Variants in UBR4 observed in about 807,000 individuals in gnomAD.
UBR4 encodes the protein ubiquitin protein ligase E3 component n-recognin 4, also known as E3 ubiquitin-protein ligase UBR4.
In UBR4, 124 loss-of-function variants were observed where a neutral mutation model predicts 575.6. That is an observed-to-expected ratio of 0.22 (90% CI 0.19 to 0.25). The LOEUF (loss-of-function observed/expected upper bound fraction) is 0.25, where lower values mean the gene tolerates loss of function less well. Ranked by LOEUF, UBR4 falls within the 10% of genes least tolerant of loss-of-function variation. The pLI is 1.00. For synonymous variants in UBR4, 2,455 were observed against 2,473.7 expected (o/e 0.99, Z 0.22); for missense variants, 4,818 against 6,478.8 (o/e 0.74, Z 8.80).
chr1:19,108,609 G>A (rs372779976), intron 81 of UBR4, among the ~76,000 whole-genome samples: 5 of 152,070 alleles, frequency 3.3e-5, no homozygotes, highest in East Asian at 1.9e-4. Flanking sequence ...TGATGAAACC[G>A]GGTGGCAGTG....
At position 19,157,830 on chromosome 1, in the gene UBR4, G is replaced by A. The variant is rs1289261445; in HGVS notation, c.5745C>T (p.Ser1915=). Reference sequence around the variant, plus strand: ...GAGGACCCACCTTGCCCTTCTCATGGCTGACAGCCAAATGTTGGCGGCGCC... The same window carrying A: ...GAGGACCCACCTTGCCCTTCTCATGACTGACAGCCAAATGTTGGCGGCGCC... ...PHGRRQHLAV[S]HEKGKITVLQ... Residue 1915 remains serine, a synonymous_variant, in exon 40 of 106, where the codon AGC becomes AGT. Coordinates refer to ENST00000375254, the MANE Select transcript of UBR4 (RefSeq NM_020765.3). The surrounding 1 kb of genome is among the most constrained non-coding windows in gnomAD (Gnocchi z 4.4). 1.2e-6 allele frequency: 2 copies of A among 1,613,994 alleles called. No homozygotes were observed. The highest frequency in any genetic ancestry group is 1.3e-5 in the African/African-American group (1 of 74,940).
intron 60 of UBR4, among the ~76,000 whole-genome samples, chr1:19,130,047 CA>C (rs930280459): frequency 3.3e-5 from 5 of 151,610 alleles, no homozygotes; most frequent in African/African-American, 7.3e-5. Flanking sequence ...AAAAAAGGAC[CA>C]AAAAAATTGT....
At chr1:19,086,936 C>T in intron 99 of UBR4, 115 bp from the exon 100 acceptor site, 2 of 1,442,972 alleles carry the variant, frequency 1.4e-6, no homozygotes, top group Non-Finnish European at 1.9e-6. Flanking sequence ...TTTCAGGTTG[C>T]TCTCACTAGG....
chr1:19,173,624 G>A lies in UBR4; in HGVS notation c.2983-3C>T. 2 of 1,613,850 alleles carry A rather than the reference G, an allele frequency of 1.2e-6. No homozygotes were observed. The highest frequency in any genetic ancestry group is 1.7e-6 in the Non-Finnish European group (2 of 1,179,902). On this transcript the variant is annotated splice_polypyrimidine_tract_variant and splice_region_variant and intron_variant, in intron 22 of 105. Transcript: ENST00000375254. ...TAATATTGAAGGGCACAGGCCTCCTGGAGAAAGGAAAAGCAGCATAGAGGT... is the reference window on the plus strand; with the variant it reads ...TAATATTGAAGGGCACAGGCCTCCTAGAGAAAGGAAAAGCAGCATAGAGGT...
Position 19,088,462 on chromosome 1 carries a change from T to G in UBR4, c.14430+297A>C, listed in dbSNP as rs753065340. On this transcript the variant is annotated intron_variant, in intron 98 of 105. Transcript: ENST00000375254. The surrounding 1 kb of genome is among the most constrained non-coding windows in gnomAD (Gnocchi z 4.0). The stretch of plus-strand genomic sequence containing the variant: ...TCAGTTACTTCATCTGGAAAATGGG[T>G]ATAACAATATCAACCTCCTAGAACT... Among the ~76,000 whole-genome samples the G allele has an allele frequency of 6.6e-6, 1 of 152,182 alleles. No homozygotes were observed. Among genetic ancestry groups the G allele is most frequent in the South Asian group, 2.1e-4 (1 of 4,828 alleles).
At chr1:19,168,290 A>G in intron 27 of UBR4, 106 bp from the exon 28 acceptor site, 8 of 1,123,788 alleles carry the variant, frequency 7.1e-6, no homozygotes, top group Non-Finnish European at 9.9e-6. Context: ...TGACGTTTGT[A>G]AACAATAGCC....
chr1:19,127,589 T>G, intron 63 of UBR4, 34 bp downstream of exon 63: 8 of 1,571,732 alleles, frequency 5.1e-6, no homozygotes, highest in Non-Finnish European at 7.0e-6. Flanking sequence ...TCCGCTTACC[T>G]TTCCCCAAAC....
chr1:19,101,498 T>C (rs76771978), intron 88 of UBR4, 22 bp downstream of exon 88: 12 of 1,594,096 alleles, frequency 7.5e-6, no homozygotes, highest in African/African-American at 5.4e-5. Context: ...TCGAGAGCCA[T>C]GGGAAGCACC....
At chr1:19,129,377 G>C (rs2082172839) in intron 60 of UBR4, among the ~76,000 whole-genome samples, 1 of 152,200 alleles carries the variant, frequency 6.6e-6, no homozygotes, top group Admixed American at 6.5e-5. Context: ...CCAGGCCCTA[G>C]TAGTTCTCAG....
Position 19,150,737 on chromosome 1 carries a change from C to T in UBR4, c.7270G>A (p.Gly2424Ser). The part of the protein sequence containing the change: ...VTMIDAVKIY[G>S]KTKEQFGWPD... ...CAGCCAAACTGCTCCTTAGTCTTGCCATAAATTTTTACAGCATCTATCATG... is the reference window on the plus strand; with the variant it reads ...CAGCCAAACTGCTCCTTAGTCTTGCTATAAATTTTTACAGCATCTATCATG... The change falls in exon 49 of 106, where the codon GGC becomes AGC. Residue 2424 changes from glycine (G) to serine (S), a missense_variant. Coordinates refer to ENST00000375254, the MANE Select transcript of UBR4 (RefSeq NM_020765.3). The T allele has an allele frequency of 6.2e-7, 1 of 1,614,026 alleles. No homozygotes were observed. Among genetic ancestry groups the T allele is most frequent in the Non-Finnish European group, 8.5e-7 (1 of 1,180,002 alleles).
chr1:19,177,851 T>A, intron 18 of UBR4, 108 bp from the exon 19 acceptor site: 1 of 1,263,876 alleles, frequency 7.9e-7, no homozygotes, highest in South Asian at 1.6e-5. Flanking sequence ...GGCAGTAAGA[T>A]AACAAATTAA....
At position 19,120,288 on chromosome 1, in the gene UBR4, T is replaced by C; in HGVS notation, c.10202A>G (p.Lys3401Arg). The C allele has an allele frequency of 6.2e-7, 1 of 1,614,076 alleles. No homozygotes were observed. The highest frequency in any genetic ancestry group is 8.5e-7 in the Non-Finnish European group (1 of 1,180,014). The stretch of plus-strand genomic sequence containing the variant: ...GATCAGGGTTTCCTTATCGGCAAAT[T>C]TGTTCAGCTGGTTCACCAGAGCTGT... Reference protein sequence around the residue: ...LCTALVNQLNKFADKETLIQF... With the variant: ...LCTALVNQLNRFADKETLIQF... Residue 3401 changes from lysine (K) to arginine (R), a missense_variant, in exon 69 of 106, where the codon AAA becomes AGA. This residue lies in a region of UBR4 where 550 missense variants were observed against 791.5 expected (regional missense o/e 0.69). Coordinates refer to ENST00000375254, the MANE Select transcript of UBR4 (RefSeq NM_020765.3).
chr1:19,113,903 AC>A (rs1160561731), intron 76 of UBR4, 41 bp downstream of exon 76: 1 of 1,614,108 alleles, frequency 6.2e-7, no homozygotes, highest in Non-Finnish European at 8.5e-7. Context: ...TCTGATCAAG[AC>A]CCAAGCCCTT....
chr1:19,183,029 C>T (rs7522916), intron 17 of UBR4, among the ~76,000 whole-genome samples: 102,167 of 152,024 alleles, frequency 0.67, 35,196 homozygotes, highest in East Asian at 0.81. Context: ...TCACAGTCAA[C>T]GTCCTAGATT....
rs12164496 is a variant in UBR4 at position 19,081,641 on chromosome 1, G to C, written c.15009-68C>G. 13,453 of 1,553,844 alleles carry C rather than the reference G, an allele frequency of 8.7e-3. 383 individuals carry two copies. Among genetic ancestry groups the C allele is most frequent in the East Asian group, 0.079 (3,509 of 44,548 alleles). ...CAGGACCCGGCAGCAAGAGCAGGAA[G>C]AATTTGCTCAATTTGTCGTTGTCTT... On this transcript the variant is annotated intron_variant, in intron 102 of 105. Transcript: ENST00000375254.
chr1:19,119,844 C>T, intron 69 of UBR4, 143 bp from the exon 70 acceptor site: 2 of 1,145,266 alleles, frequency 1.7e-6, no homozygotes, highest in East Asian at 2.5e-5. Context: ...ACAATCAATC[C>T]TACCAGATGC....
At chr1:19,197,520 T>C in intron 7 of UBR4, 150 bp downstream of exon 7, 1 of 1,197,040 alleles carries the variant, frequency 8.4e-7, no homozygotes. Context: ...TCCCAGCTAC[T>C]CAGGAGGCTG....
chr1:19,164,222 G>A (rs374340246), intron 33 of UBR4, 31 bp downstream of exon 33: 413 of 1,594,778 alleles, frequency 2.6e-4, no homozygotes, highest in Non-Finnish European at 3.3e-4. Flanking sequence ...GATCAATGTT[G>A]TAACCTACAG....
intron 19 of UBR4, 119 bp from the exon 20 acceptor site, chr1:19,176,846 A>G (rs561850905): frequency 8.8e-7 from 1 of 1,140,638 alleles, no homozygotes; most frequent in Non-Finnish European, 1.2e-6. Context: ...GGTGTTCTAC[A>G]TTCAAATATT....
Sources: gnomAD v4.1 joint callset for allele counts (sites outside exome capture counted in the v4.1 genomes callset) on GRCh38, gnomAD v4.1.1 for gene constraint, gnomAD v4.1.1 regional missense constraint, Gnocchi (gnomAD v3.1) non-coding constraint, MANE v1.5 for transcripts, NCBI Gene and HGNC (gene_info 2026-07-23, HGNC 2026-07-21) for gene names.